Variants in ATF3 observed in about 807,000 individuals in gnomAD.
ATF3 encodes cyclic AMP-dependent transcription factor ATF-3.
A neutral mutation model predicts 18.4 loss-of-function variants in ATF3; 10 were observed. That is an observed-to-expected ratio of 0.54 (90% CI 0.34 to 0.92). The LOEUF (loss-of-function observed/expected upper bound fraction) is 0.92. ATF3 is among the 40% of genes least tolerant of loss of function. The probability of loss-of-function intolerance (pLI) is 0.02; values close to 1 mark genes in which losing one functional copy is unlikely to be tolerated. For synonymous variants in ATF3, 78 were observed against 87.9 expected (o/e 0.89, Z 0.63); for missense variants, 183 against 222.3 (o/e 0.82, Z 1.12).
chr1:212,592,870 G>C (rs1164649106), intron 1 of ATF3, among the ~76,000 whole-genome samples: 1 of 152,022 alleles, frequency 6.6e-6, no homozygotes, highest in African/African-American at 2.4e-5. Context: ...AAGTGTTCTT[G>C]GTAAGAGTGG....
At position 212,618,004 on chromosome 1, in the gene ATF3, C is replaced by T. The variant is rs575648604; in HGVS notation, c.241-123C>T. ...ACAAAAGTCTAGAGCTTTAGTATTT[C>T]GGGGTCTTTTAGCGCTAGCATTGCC... is the stretch of plus-strand genomic sequence containing the variant. On this transcript the variant is annotated intron_variant, in intron 2 of 3. Coordinates refer to ENST00000341491, the MANE Select transcript of ATF3 (RefSeq NM_001674.4). This position sits in a 1 kb window ranked among gnomAD's most constrained non-coding sequence, Gnocchi z 4.4. 2.4e-5 allele frequency: 20 copies of T among 843,202 alleles called. No individual in the cohort carries two copies. The highest frequency in any genetic ancestry group is 1.8e-4 in the Admixed American group (8 of 44,356). The allele number at this position is 843,202 out of a possible 1,614,324, so 52.2% of individuals were successfully genotyped here. A position where few individuals can be genotyped will look rare whatever the true frequency, so the allele number is the denominator to read the frequency against.
intron 1 of ATF3, among the ~76,000 whole-genome samples, chr1:212,570,839 C>A (rs755536541): frequency 8.5e-5 from 13 of 152,178 alleles, no homozygotes; most frequent in Non-Finnish European, 1.8e-4. Flanking sequence ...TATAGTATGT[C>A]TATATGACAG....
At chr1:212,616,596 C>G (rs575970732) in intron 2 of ATF3, among the ~76,000 whole-genome samples, 1 of 152,232 alleles carries the variant, frequency 6.6e-6, no homozygotes, top group East Asian at 1.9e-4. Flanking sequence ...CCACGCCCAG[C>G]CTTGATTTAT....
At chr1:212,593,374 G>A (rs1289966461) in intron 1 of ATF3, among the ~76,000 whole-genome samples, 1 of 151,706 alleles carries the variant, frequency 6.6e-6, no homozygotes, top group Non-Finnish European at 1.5e-5. Context: ...ACATCAACAT[G>A]GTACATGTAT....
intron 1 of ATF3, among the ~76,000 whole-genome samples, chr1:212,574,621 C>G (rs1664541483): frequency 6.6e-6 from 1 of 151,792 alleles, no homozygotes; most frequent in African/African-American, 2.4e-5. Flanking sequence ...AGTGTATCTT[C>G]CTATATATTG....
At chr1:212,588,045 T>C (rs1325144376) in intron 1 of ATF3, among the ~76,000 whole-genome samples, 2 of 151,960 alleles carry the variant, frequency 1.3e-5, no homozygotes, top group Non-Finnish European at 2.9e-5. Flanking sequence ...AGAGGGAGAA[T>C]GTTGAGACCA....
At chr1:212,591,062 C>G (rs1664874942) in intron 1 of ATF3, among the ~76,000 whole-genome samples, 1 of 152,248 alleles carries the variant, frequency 6.6e-6, no homozygotes, top group Non-Finnish European at 1.5e-5. Flanking sequence ...TTTTCAGCCG[C>G]CTCTTCCCCT....
At chr1:212,568,734 T>TG (rs1437990216) in intron 1 of ATF3, among the ~76,000 whole-genome samples, 1 of 152,166 alleles carries the variant, frequency 6.6e-6, no homozygotes, top group Non-Finnish European at 1.5e-5. Flanking sequence ...GATTCTCCGA[T>TG]GGGGGTAAAT....
chr1:212,616,652 G>A (rs1257518422), intron 2 of ATF3, among the ~76,000 whole-genome samples: 1 of 152,144 alleles, frequency 6.6e-6, no homozygotes, highest in African/African-American at 2.4e-5. Flanking sequence ...ATGGGCAGTA[G>A]GGGTAAGACA....
chr1:212,615,153 G>A lies in ATF3; in HGVS notation c.132G>A (p.Glu44=). Reference sequence around the variant, plus strand: ...ACCTGACGCCCTTTGTCAAGGAAGAGCTGAGGTTTGCCATCCAGAACAAGC... The same window carrying A: ...ACCTGACGCCCTTTGTCAAGGAAGAACTGAGGTTTGCCATCCAGAACAAGC... ...FANLTPFVKE[E]LRFAIQNKHL... is the part of the protein sequence containing the mutation. Residue 44 remains glutamate, a synonymous_variant, in exon 2 of 4, where the codon GAG becomes GAA. Coordinates refer to ENST00000341491, the MANE Select transcript of ATF3 (RefSeq NM_001674.4). 1 of 1,614,212 alleles carries A rather than the reference G, an allele frequency of 6.2e-7. No homozygotes were observed. The highest frequency in any genetic ancestry group is 1.1e-5 in the South Asian group (1 of 91,084).
intron 1 of ATF3, among the ~76,000 whole-genome samples, chr1:212,585,385 C>G (rs1664761114): frequency 6.6e-6 from 1 of 152,222 alleles, no homozygotes; most frequent in Admixed American, 6.5e-5. Context: ...AGGACCTTGG[C>G]TGGTGCTGTT....
At chr1:212,599,850 C>T (rs535612942) in intron 1 of ATF3, among the ~76,000 whole-genome samples, 39 of 152,168 alleles carry the variant, frequency 2.6e-4, no homozygotes, top group African/African-American at 8.2e-4. Context: ...CAAAATCATC[C>T]CCTCCTGTTC....
chr1:212,573,279 A>G (rs1171313588), intron 1 of ATF3, among the ~76,000 whole-genome samples: 1 of 152,086 alleles, frequency 6.6e-6, no homozygotes, highest in East Asian at 1.9e-4. Context: ...TATGTTAATA[A>G]AAGTTCTTAA....
chr1:212,584,409 G>A (rs1168038348), intron 1 of ATF3, among the ~76,000 whole-genome samples: 2 of 152,082 alleles, frequency 1.3e-5, no homozygotes, highest in Non-Finnish European at 2.9e-5. Flanking sequence ...AGGAGCCAAT[G>A]GTGCAGTTCC....
At chr1:212,603,652 A>C (rs755601641) in intron 1 of ATF3, among the ~76,000 whole-genome samples, 1 of 152,204 alleles carries the variant, frequency 6.6e-6, no homozygotes, top group Non-Finnish European at 1.5e-5. Context: ...AAATCATAGA[A>C]CATCCATTGG....
At chr1:212,613,730 T>C (rs1654988581) in intron 1 of ATF3, 1 of 152,308 alleles carries the variant, frequency 6.6e-6, no homozygotes, top group Admixed American at 6.5e-5. Flanking sequence ...ATCCCTATAC[T>C]CATTGTCCCT....
chr1:212,584,595 G>T (rs1219097418), intron 1 of ATF3, among the ~76,000 whole-genome samples: 8 of 152,108 alleles, frequency 5.3e-5, no homozygotes, highest in African/African-American at 9.7e-5. Flanking sequence ...TACCTACAAG[G>T]GGGAGGACGA....
At chr1:212,571,742 G>T (rs538924215) in intron 1 of ATF3, among the ~76,000 whole-genome samples, 34 of 125,526 alleles carry the variant, frequency 2.7e-4, no homozygotes, top group Admixed American at 8.0e-4. Context: ...GACGGAGTCT[G>T]GCTCTGTCGC....
chr1:212,587,676 A>G (rs1664804560), intron 1 of ATF3, among the ~76,000 whole-genome samples: 2 of 152,254 alleles, frequency 1.3e-5, no homozygotes. Context: ...TTTCAAATGG[A>G]ACTTCAGTTG....
Sources: allele counts gnomAD v4.1 joint callset (sites outside exome capture counted in the v4.1 genomes callset), GRCh38; gene constraint gnomAD v4.1.1; non-coding constraint Gnocchi (gnomAD v3.1); transcripts MANE v1.5; gene names NCBI Gene and HGNC (gene_info 2026-07-23, HGNC 2026-07-21).